Variants in DDX6 observed in about 807,000 individuals in gnomAD.
The protein encoded by DDX6 is probable ATP-dependent RNA helicase DDX6.
DDX6 carries 7 observed loss-of-function variants against 60.6 expected under a neutral mutation model. The observed-to-expected ratio is 0.12, with a 90% CI of 0.07 to 0.22. The LOEUF (loss-of-function observed/expected upper bound fraction) is 0.22. DDX6 is among the 10% of genes least tolerant of loss of function. The pLI is 1.00. For synonymous variants in DDX6, 207 were observed against 201.0 expected, an observed-to-expected ratio of 1.03 and a Z score of -0.25; for missense variants, 270 against 589.9, an observed-to-expected ratio of 0.46 and a Z score of 5.62.
At position 118,751,099 on chromosome 11, in the gene DDX6, A is replaced by C. The variant is rs1250669030; in HGVS notation, c.*1006T>G. 1 of 18,826 alleles carries C rather than the reference A, an allele frequency of 5.3e-5. No homozygotes were observed. Among genetic ancestry groups the C allele is most frequent in the Non-Finnish European group, 9.9e-5 (1 of 10,080 alleles). 1.2% of individuals were successfully genotyped at this position (18,826 alleles called of 1,614,324 possible). ...TATATATATATATGAACCCAGAAAA[A>C]AAACTTATTTACAAAGTTATACAAG... On this transcript the variant is annotated 3_prime_UTR_variant, in exon 14 of 14. Coordinates refer to ENST00000534980, the MANE Select transcript of DDX6 (RefSeq NM_004397.6).
intron 7 of DDX6, 60 bp downstream of exon 7, chr11:118,763,152 A>C (rs1394913747): frequency 3.1e-5 from 35 of 1,122,470 alleles, no homozygotes; most frequent in Non-Finnish European, 4.0e-5. Context: ...ATTCACTGGC[A>C]GTTATAAGCA....
chr11:118,774,683 CA>C, intron 4 of DDX6, among the ~76,000 whole-genome samples: 1 of 152,134 alleles, frequency 6.6e-6, no homozygotes, highest in South Asian at 2.1e-4. Context: ...CTTGGCTTCC[CA>C]AAGTGCTGGG....
intron 6 of DDX6, 112 bp downstream of exon 6, chr11:118,765,097 T>C (rs1861306160): frequency 8.0e-7 from 1 of 1,250,998 alleles, no homozygotes; most frequent in Non-Finnish European, 1.1e-6. Context: ...TTCCTTTTCT[T>C]ACTGCAGTAT....
chr11:118,756,414 C>A, intron 10 of DDX6, 91 bp from the exon 11 acceptor site: 1 of 1,017,174 alleles, frequency 9.8e-7, no homozygotes, highest in South Asian at 1.4e-5. Context: ...CAGTTCTACC[C>A]AAAATCTGTT....
intron 10 of DDX6, 83 bp from the exon 11 acceptor site, chr11:118,756,406 G>T: frequency 9.2e-7 from 1 of 1,090,610 alleles, no homozygotes; most frequent in Non-Finnish European, 1.4e-6. Context: ...CAGACGATCA[G>T]TTCTACCCAA....
intron 1 of DDX6, chr11:118,787,326 CAG>C (rs1215502563): frequency 6.6e-6 from 1 of 152,224 alleles, no homozygotes; most frequent in African/African-American, 2.4e-5. Context: ...AAAAATTAGC[CAG>C]GCGTGGTGGC....
intron 4 of DDX6, among the ~76,000 whole-genome samples, chr11:118,770,883 C>CAAAA (rs369951350): frequency 1.0e-5 from 1 of 95,530 alleles, no homozygotes; most frequent in Non-Finnish European, 2.1e-5. Context: ...CTCAGTCTCA[C>CAAAA]AAAAAAAAAA....
chr11:118,787,666 T>C (rs759687002), intron 1 of DDX6: 4 of 151,958 alleles, frequency 2.6e-5, no homozygotes, highest in Non-Finnish European at 5.9e-5. Flanking sequence ...AGAAGAAAAA[T>C]GTATTTTCTT....
rs1371686336 is a variant in DDX6, at chr11:118,750,821, TCTGGTA to T, written c.*1278_*1283del. ...AATGTTTTGAAGCTTCCTTGCTCTC[TCTGGTA>T]AACCTACTCCAAAGGTACTAGATGA... On this transcript the variant is annotated 3_prime_UTR_variant, in exon 14 of 14. Transcript: ENST00000534980. The T allele has an allele frequency of 6.6e-6, 1 of 152,346 alleles. No individual in the cohort carries two copies. Among genetic ancestry groups the T allele is most frequent in the Non-Finnish European group, 1.5e-5 (1 of 67,996 alleles). 9.4% of individuals were successfully genotyped at this position (152,346 alleles called of 1,614,324 possible).
chr11:118,771,721 A>C (rs1336290322), intron 4 of DDX6, among the ~76,000 whole-genome samples: 1 of 152,246 alleles, frequency 6.6e-6, no homozygotes, highest in Non-Finnish European at 1.5e-5. Context: ...AATGGATCCT[A>C]AACAGGATTA....
At position 118,750,865 on chromosome 11, in the gene DDX6, G is replaced by GCAAA. The variant is rs1176546996; in HGVS notation, c.*1236_*1239dup. 1.3e-5 allele frequency: 2 copies of GCAAA among 152,386 alleles called. No homozygotes were observed. The highest frequency in any genetic ancestry group is 2.9e-5 in the Non-Finnish European group (2 of 68,016). 9.4% of individuals were successfully genotyped at this position (152,386 alleles called of 1,614,324 possible). A position where few individuals can be genotyped will look rare whatever the true frequency, so the allele number is the denominator to read the frequency against. ...AGGTACTAGATGAGACAGTGTGGCAGCAAACAGTACATCCCAGATTTCTGG... is the reference window on the plus strand; with the variant it reads ...AGGTACTAGATGAGACAGTGTGGCAGCAAACAAACAGTACATCCCAGATTTCTGG... On this transcript the variant is annotated 3_prime_UTR_variant, in exon 14 of 14. Transcript: ENST00000534980.
intron 13 of DDX6, among the ~76,000 whole-genome samples, chr11:118,752,505 G>A (rs1860810331): frequency 6.6e-6 from 1 of 152,156 alleles, no homozygotes; most frequent in Admixed American, 6.6e-5. Flanking sequence ...GGGTGAGGTG[G>A]CTCCTGCCAG....
intron 4 of DDX6, among the ~76,000 whole-genome samples, chr11:118,770,706 A>G (rs1555162341): frequency 6.6e-6 from 1 of 152,036 alleles, no homozygotes; most frequent in Non-Finnish European, 1.5e-5. Flanking sequence ...CCTGGCCAAC[A>G]TGGTGAAACC....
At chr11:118,757,509 A>AT (rs1861018001) in intron 9 of DDX6, among the ~76,000 whole-genome samples, 1 of 152,200 alleles carries the variant, frequency 6.6e-6, no homozygotes, top group Non-Finnish European at 1.5e-5. Flanking sequence ...TAAGGGCCAC[A>AT]TAACTGTCAA....
At chr11:118,776,075 T>C (rs981902617) in intron 4 of DDX6, among the ~76,000 whole-genome samples, 1 of 152,092 alleles carries the variant, frequency 6.6e-6, no homozygotes, top group African/African-American at 2.4e-5. Flanking sequence ...GCCCAGGAGT[T>C]TGAGGCTGCA....
In DDX6 at chr11:118,750,411, G is replaced by T. The variant is rs1388506742; in HGVS notation, c.*1694C>A. ...AGCAATTTACAGTGCAAAATGACAG[G>T]TAACAATTCTTGTCACAATGCAAGA... On this transcript the variant is annotated 3_prime_UTR_variant, in exon 14 of 14. Transcript: ENST00000534980. 1.8e-4 allele frequency: 28 copies of T among 152,244 alleles called. No individual in the cohort carries two copies. In the South Asian group the frequency reaches 3.5e-3, roughly 19 times the overall value. The allele number at this position is 152,244 out of a possible 1,614,324, so 9.4% of individuals were successfully genotyped here. A position where few individuals can be genotyped will look rare whatever the true frequency, so the allele number is the denominator to read the frequency against.
At chr11:118,769,961 G>C (rs1555162137) in intron 4 of DDX6, among the ~76,000 whole-genome samples, 1 of 151,946 alleles carries the variant, frequency 6.6e-6, no homozygotes, top group African/African-American at 2.4e-5. Context: ...ACCCGCTTTG[G>C]CCTCCCAAAG....
In DDX6 at chr11:118,750,793, A is replaced by G. The variant is rs781926682; in HGVS notation, c.*1312T>C. On this transcript the variant is annotated 3_prime_UTR_variant, in exon 14 of 14. Coordinates refer to ENST00000534980, the MANE Select transcript of DDX6 (RefSeq NM_004397.6). Reference sequence around the variant, plus strand: ...AGCTTCTCAAAATAAATGTTGAATTATCAATGTTTTGAAGCTTCCTTGCTC... The same window carrying G: ...AGCTTCTCAAAATAAATGTTGAATTGTCAATGTTTTGAAGCTTCCTTGCTC... 22 of 152,234 alleles carry G rather than the reference A, an allele frequency of 1.4e-4. No individual in the cohort carries two copies. Among genetic ancestry groups the G allele is most frequent in the Admixed American group, 5.9e-4 (9 of 15,252 alleles). The allele number at this position is 152,234 out of a possible 1,614,324, so 9.4% of individuals were successfully genotyped here.
intron 4 of DDX6, 64 bp downstream of exon 4, chr11:118,779,567 CA>C: frequency 9.1e-7 from 1 of 1,100,366 alleles, no homozygotes; most frequent in Non-Finnish European, 1.3e-6. Context: ...TTCTGCAGAG[CA>C]AAAAGAAAAC....
Sources: allele counts gnomAD v4.1 joint callset (sites outside exome capture counted in the v4.1 genomes callset), GRCh38; gene constraint gnomAD v4.1.1; transcripts MANE v1.5; gene names NCBI Gene and HGNC (gene_info 2026-07-23, HGNC 2026-07-21).